WIPF1: variants seen among roughly 807,000 people sequenced by gnomAD.
WIPF1 encodes WAS/WASL-interacting protein family member 1.
In WIPF1, 13 loss-of-function variants were observed where a neutral mutation model predicts 35.4. That is an observed-to-expected ratio of 0.37 (90% CI 0.24 to 0.58). The LOEUF is 0.58. Ranked by LOEUF, WIPF1 falls within the 20% of genes least tolerant of loss-of-function variation. The pLI is 0.74. For missense variants in WIPF1, 591 were observed against 667.0 expected, an observed-to-expected ratio of 0.89 and a Z score of 1.25; for synonymous variants, 267 against 266.3, an observed-to-expected ratio of 1.00 and a Z score of -0.02.
In WIPF1 at chr2:174,606,887, A is replaced by G. The variant is rs554923556; in HGVS notation, c.-38-21276T>C. Among the ~76,000 whole-genome samples, 5 of 152,306 alleles carry G rather than the reference A, an allele frequency of 3.3e-5. No homozygotes were observed. In the South Asian group the frequency reaches 1.0e-3, roughly 32 times the overall value. On this transcript the variant is annotated intron_variant, in intron 1 of 8. Coordinates refer to the WIPF1 transcript ENST00000272746. Reference sequence around the variant, plus strand: ...TGTAACAGAATACTGGCGACTGAGTAATTTATGAAAAGGCCAGATACGGTT... The same window carrying G: ...TGTAACAGAATACTGGCGACTGAGTGATTTATGAAAAGGCCAGATACGGTT...
chr2:174,567,046 A>G, intron 7 of WIPF1, 24 bp downstream of exon 7: 2 of 1,611,526 alleles, frequency 1.2e-6, no homozygotes, highest in Non-Finnish European at 1.7e-6. Context: ...GTGAATCTTC[A>G]AAAACCTTGG....
rs564027312 is a variant in WIPF1, at chr2:174,628,537, T to C, written c.-38-42926A>G. ...CTTTCTACCCACAAAATTCCAACCA[T>C]ATGGCTGTGCTGTCTTCCAGGAATT... On this transcript the variant is annotated intron_variant, in intron 1 of 8. Transcript: ENST00000272746. Among the ~76,000 whole-genome samples the C allele has an allele frequency of 9.2e-5, 14 of 152,332 alleles. No individual in the cohort carries two copies. The South Asian group carries it at 1.9e-3, about 20-fold the overall frequency.
intron 1 of WIPF1, among the ~76,000 whole-genome samples, chr2:174,586,110 C>A (rs1339679325): frequency 6.6e-6 from 1 of 152,172 alleles, no homozygotes; most frequent in East Asian, 1.9e-4. Flanking sequence ...TACTTCTAGT[C>A]CCGCCCTCAA....
chr2:174,651,807 G>C (rs1477180776), intron 1 of WIPF1, among the ~76,000 whole-genome samples: 1 of 152,198 alleles, frequency 6.6e-6, no homozygotes, highest in Non-Finnish European at 1.5e-5. Flanking sequence ...CTTGGCTCAG[G>C]AATTCCGAAA....
chr2:174,566,976 A>C, intron 7 of WIPF1, 94 bp downstream of exon 7: 2 of 1,222,638 alleles, frequency 1.6e-6, no homozygotes, highest in Non-Finnish European at 1.2e-6. Context: ...TCTCTACCCC[A>C]CTCCAGGCAA....
chr2:174,612,654 CT>C (rs1391385869), intron 1 of WIPF1, among the ~76,000 whole-genome samples: 1 of 151,780 alleles, frequency 6.6e-6, no homozygotes, highest in African/African-American at 2.4e-5. Context: ...CCCATCAGTA[CT>C]CATTTCTTCT....
intron 1 of WIPF1, among the ~76,000 whole-genome samples, chr2:174,594,004 G>A (rs1031846015): frequency 6.6e-6 from 1 of 152,200 alleles, no homozygotes; most frequent in Admixed American, 6.5e-5. Context: ...GCCTCACCCA[G>A]TTGGTTCTTA....
At chr2:174,635,992 T>C (rs1161902550) in intron 1 of WIPF1, among the ~76,000 whole-genome samples, 3 of 152,222 alleles carry the variant, frequency 2.0e-5, no homozygotes, top group Non-Finnish European at 2.9e-5. Flanking sequence ...GCTGGTTTTC[T>C]GATTGAAATG....
chr2:174,613,878 AAAT>A (rs1406632994), intron 1 of WIPF1, among the ~76,000 whole-genome samples: 1 of 152,230 alleles, frequency 6.6e-6, no homozygotes, highest in Non-Finnish European at 1.5e-5. Flanking sequence ...AAAAAAGAAT[AAAT>A]AATTTACTCT....
intron 1 of WIPF1, among the ~76,000 whole-genome samples, chr2:174,591,694 A>ACACACG (rs1177774942): frequency 6.6e-6 from 1 of 151,860 alleles, no homozygotes; most frequent in Non-Finnish European, 1.5e-5. Flanking sequence ...ACACACACAC[A>ACACACG]CACACACACA....
chr2:174,654,868 A>C (rs969278162), intron 1 of WIPF1, among the ~76,000 whole-genome samples: 3 of 152,070 alleles, frequency 2.0e-5, no homozygotes, highest in Admixed American at 2.0e-4. Flanking sequence ...ACTCTTCTCT[A>C]CCAGAGGACA....
intron 1 of WIPF1, among the ~76,000 whole-genome samples, chr2:174,629,276 TA>T (rs1179899485): frequency 6.6e-6 from 1 of 152,246 alleles, no homozygotes; most frequent in Non-Finnish European, 1.5e-5. Context: ...CAGGATCTTA[TA>T]AAAAACATTG....
chr2:174,650,777 G>A (rs964978043), intron 1 of WIPF1, among the ~76,000 whole-genome samples: 5 of 152,302 alleles, frequency 3.3e-5, no homozygotes, highest in East Asian at 3.9e-4. Flanking sequence ...TTCAATGTGC[G>A]CATGAGCTCT....
intron 1 of WIPF1, among the ~76,000 whole-genome samples, chr2:174,642,571 T>A (rs556117456): frequency 7.9e-5 from 12 of 152,046 alleles, no homozygotes; most frequent in African/African-American, 2.7e-4. Flanking sequence ...ATAGTCTCCA[T>A]CTCTTGAGCT....
rs562241769 is a variant in WIPF1, at chr2:174,585,129, A to G, written c.51+394T>C. ...CACTTTAATGGAATGCACTGCAGGC[A>G]GAGACCTGGGTTTCTAGACCGTCCA... On this transcript the variant is annotated intron_variant, in intron 2 of 7. Transcript: ENST00000679041. Among the ~76,000 whole-genome samples, 4 of 152,348 alleles carry G rather than the reference A, an allele frequency of 2.6e-5. No individual in the cohort carries two copies. In the East Asian group the frequency reaches 7.7e-4, roughly 29 times the overall value.
At chr2:174,600,768 C>A (rs901388804), upstream of WIPF1, among the ~76,000 whole-genome samples, 8 of 152,142 alleles carry the variant, frequency 5.3e-5, no homozygotes, top group Non-Finnish European at 1.2e-4. Context: ...CCTTGTCCAT[C>A]TTGTTTCTGC....
intron 1 of WIPF1, among the ~76,000 whole-genome samples, chr2:174,668,704 T>G (rs1281268800): frequency 1.3e-5 from 2 of 152,214 alleles, no homozygotes; most frequent in East Asian, 3.9e-4. Context: ...CAGCCTTCAC[T>G]GCTTCCCGCT....
chr2:174,586,332 G>GT (rs1423537584), intron 1 of WIPF1, among the ~76,000 whole-genome samples: 2 of 152,276 alleles, frequency 1.3e-5, no homozygotes, highest in East Asian at 3.9e-4. Context: ...CTCCCAGGCT[G>GT]TTTACCAGAA....
intron 1 of WIPF1, among the ~76,000 whole-genome samples, chr2:174,613,675 G>C (rs1362479168): frequency 6.6e-6 from 1 of 152,178 alleles, no homozygotes; most frequent in African/African-American, 2.4e-5. Flanking sequence ...CTTCTCCCCA[G>C]TTCGTGCTAC....
Sources: gnomAD v4.1 joint callset for allele counts (sites outside exome capture counted in the v4.1 genomes callset) on GRCh38, gnomAD v4.1.1 for gene constraint, MANE v1.5 for transcripts, NCBI Gene and HGNC (gene_info 2026-07-23, HGNC 2026-07-21) for gene names.